Variants in AKAP13 observed in about 807,000 individuals in gnomAD.
The protein encoded by AKAP13 is A-kinase anchor protein 13.
AKAP13 carries 80 observed loss-of-function variants against 264.5 expected under a neutral mutation model. That is an observed-to-expected ratio of 0.30 (90% confidence interval 0.25 to 0.36). The LOEUF (loss-of-function observed/expected upper bound fraction) is 0.36, where lower values mean the gene tolerates loss of function less well. AKAP13 is among the 10% of genes least tolerant of loss of function. The pLI, the probability that AKAP13 is intolerant of heterozygous loss-of-function variation, is 1.00. For missense variants in AKAP13, 3,712 were observed against 3,435.2 expected (o/e 1.08, Z -2.01); for synonymous variants, 1,380 against 1,250.2 (o/e 1.10, Z -2.19).
intron 1 of AKAP13, among the ~76,000 whole-genome samples, chr15:85,388,532 T>C (rs1254877628): frequency 7.1e-6 from 1 of 141,638 alleles, no homozygotes; most frequent in African/African-American, 2.6e-5. Flanking sequence ...GTTGAGGAAA[T>C]TGTCTTCTAT....
intron 1 of AKAP13, among the ~76,000 whole-genome samples, chr15:85,422,798 A>AT (rs35302928): frequency 0.25 from 38,404 of 152,118 alleles, 6,438 homozygotes; most frequent in Non-Finnish European, 0.37. Context: ...TTAATATGAT[A>AT]TTTTCTGGTT....
chr15:85,698,140 G>A (rs538918782), intron 17 of AKAP13, among the ~76,000 whole-genome samples: 1 of 152,090 alleles, frequency 6.6e-6, no homozygotes, highest in Non-Finnish European at 1.5e-5. Flanking sequence ...AGTATATTTT[G>A]TATAGTATAT....
rs1390039987 is a variant in AKAP13, at chr15:85,745,919, CT to C, written c.*1243del. The C allele has an allele frequency of 2.0e-5, 3 of 152,272 alleles. No homozygotes were observed. The highest frequency in any genetic ancestry group is 2.1e-4 in the South Asian group (1 of 4,818). 9.4% of individuals were successfully genotyped at this position (152,272 alleles called of 1,614,324 possible). ...TCTGTTGTTGAATTGTACTCTGCCCCTGGAAGCAGATACAGATGGCTGCCTG... is the reference window on the plus strand; with the variant it reads ...TCTGTTGTTGAATTGTACTCTGCCCCGGAAGCAGATACAGATGGCTGCCTG... On this transcript the variant is annotated 3_prime_UTR_variant, in exon 37 of 37. Transcript: ENST00000394518.
At chr15:85,617,433 G>A (rs887213258) in intron 8 of AKAP13, among the ~76,000 whole-genome samples, 1 of 152,082 alleles carries the variant, frequency 6.6e-6, no homozygotes, top group East Asian at 1.9e-4. Context: ...TAGTAGAGAT[G>A]GGGGTTTCGC....
At chr15:85,710,371 G>A (rs1016697085) in intron 18 of AKAP13, 1 of 460,206 alleles carries the variant, frequency 2.2e-6, no homozygotes, top group Admixed American at 3.9e-5. Flanking sequence ...AAGCATTCCA[G>A]GCAGGATAGA....
At chr15:85,637,339 T>G (rs1470748395) in intron 8 of AKAP13, among the ~76,000 whole-genome samples, 1 of 152,236 alleles carries the variant, frequency 6.6e-6, no homozygotes, top group Non-Finnish European at 1.5e-5. Context: ...TAAGGCTATT[T>G]AGATTATCTA....
intron 16 of AKAP13, 100 bp from the exon 17 acceptor site, chr15:85,693,177 G>A (rs913462440): frequency 5.0e-6 from 7 of 1,404,120 alleles, no homozygotes; most frequent in Non-Finnish European, 6.4e-6. Context: ...TTCCAAAATA[G>A]TCACCAGCTG....
intron 1 of AKAP13, among the ~76,000 whole-genome samples, chr15:85,478,346 A>G (rs1278888177): frequency 1.8e-5 from 2 of 110,642 alleles, no homozygotes; most frequent in East Asian, 4.1e-4. Context: ...CTCCTACACA[A>G]CTTTCAAATA....
intron 8 of AKAP13, among the ~76,000 whole-genome samples, chr15:85,614,739 T>C (rs565892370): frequency 1.3e-5 from 2 of 152,356 alleles, no homozygotes; most frequent in East Asian, 3.9e-4. Context: ...AAAGCAAATC[T>C]GTTTTATTAG....
At chr15:85,714,152 A>C (rs1008550568) in intron 19 of AKAP13, among the ~76,000 whole-genome samples, 1 of 152,246 alleles carries the variant, frequency 6.6e-6, no homozygotes, top group East Asian at 1.9e-4. Context: ...TGTATTATAT[A>C]CTGTATTCTT....
At chr15:85,470,147 G>A (rs1208213743) in intron 1 of AKAP13, among the ~76,000 whole-genome samples, 1 of 152,092 alleles carries the variant, frequency 6.6e-6, no homozygotes, top group African/African-American at 2.4e-5. Flanking sequence ...AAATTAGCCG[G>A]GCATTGTGGT....
chr15:85,599,671 T>C (rs2079968320), intron 8 of AKAP13, among the ~76,000 whole-genome samples: 1 of 152,208 alleles, frequency 6.6e-6, no homozygotes, highest in South Asian at 2.1e-4. Flanking sequence ...GCCATTTGTC[T>C]GTTTCTTGGC....
intron 1 of AKAP13, among the ~76,000 whole-genome samples, chr15:85,414,176 T>G (rs1011571098): frequency 3.3e-5 from 5 of 152,236 alleles, no homozygotes; most frequent in African/African-American, 9.6e-5. Context: ...TCAGCACTAT[T>G]GTGGCCTGTG....
chr15:85,449,299 G>C (rs577228229), intron 1 of AKAP13, among the ~76,000 whole-genome samples: 10 of 152,320 alleles, frequency 6.6e-5, no homozygotes, highest in Admixed American at 6.5e-4. Context: ...CTTTGCTGAA[G>C]TTGTTTATCA....
intron 2 of AKAP13, among the ~76,000 whole-genome samples, chr15:85,487,703 C>G (rs2075599617): frequency 6.6e-6 from 1 of 150,964 alleles, no homozygotes; most frequent in African/African-American, 2.4e-5. Flanking sequence ...GTAGCTAGGA[C>G]TACAGATGTG....
chr15:85,640,103 G>A (rs2082242723), intron 9 of AKAP13, among the ~76,000 whole-genome samples: 1 of 152,176 alleles, frequency 6.6e-6, no homozygotes, highest in Non-Finnish European at 1.5e-5. Flanking sequence ...ACCAGGTCCA[G>A]CCTCTAACTC....
chr15:85,693,154 G>A lies in AKAP13; in HGVS notation c.5290-123G>A, dbSNP rs532062400. On this transcript the variant is annotated intron_variant, in intron 16 of 36. Coordinates refer to ENST00000394518, the MANE Select transcript of AKAP13 (RefSeq NM_007200.5). Reference sequence around the variant, plus strand: ...AACAAAACACTTTGCCCAGAACTTTGTTTCTCACTCCTTTCCAAAATAGTC... The same window carrying A: ...AACAAAACACTTTGCCCAGAACTTTATTTCTCACTCCTTTCCAAAATAGTC... 46 of 1,379,248 alleles carry A rather than the reference G, an allele frequency of 3.3e-5. 1 individual carries two copies. The South Asian group carries it at 7.4e-4, about 22-fold the overall frequency. The allele number at this position is 1,379,248 out of a possible 1,614,324, so 85.4% of individuals were successfully genotyped here. A position where few individuals can be genotyped will look rare whatever the true frequency, so the allele number is the denominator to read the frequency against.
intron 1 of AKAP13, among the ~76,000 whole-genome samples, chr15:85,394,863 G>T (rs1174665826): frequency 6.6e-6 from 1 of 152,224 alleles, no homozygotes; most frequent in African/African-American, 2.4e-5. Flanking sequence ...TCTTGGACAT[G>T]AAATGGGACA....
At chr15:85,646,744 T>C (rs2082576902) in intron 10 of AKAP13, among the ~76,000 whole-genome samples, 1 of 152,216 alleles carries the variant, frequency 6.6e-6, no homozygotes, top group African/African-American at 2.4e-5. Context: ...TCTAGATCTC[T>C]GCAATAGAGC....
Sources: gnomAD v4.1 joint callset for allele counts (sites outside exome capture counted in the v4.1 genomes callset) on GRCh38, gnomAD v4.1.1 for gene constraint, MANE v1.5 for transcripts, NCBI Gene and HGNC (gene_info 2026-07-23, HGNC 2026-07-21) for gene names.